LYPD6: variants seen among roughly 807,000 people sequenced by gnomAD.
LYPD6 encodes ly6/PLAUR domain-containing protein 6.
LYPD6 carries 15 observed loss-of-function variants against 22.7 expected under a neutral mutation model. The ratio of observed to expected loss-of-function variants is 0.66; its 90% CI spans 0.44 to 1.02. LYPD6 has a LOEUF of 1.02. LYPD6 is among the 50% of genes least tolerant of loss of function. The pLI, the probability that LYPD6 is intolerant of heterozygous loss-of-function variation, is 0.00. For missense variants in LYPD6, 189 were observed against 208.4 expected (o/e 0.91, Z 0.57); for synonymous variants, 72 against 77.5 (o/e 0.93, Z 0.37).
intron 1 of LYPD6, among the ~76,000 whole-genome samples, chr2:149,409,492 A>AACTC (rs1185469419): frequency 6.6e-6 from 1 of 152,150 alleles, no homozygotes; most frequent in African/African-American, 2.4e-5. Context: ...TCAGGTGGTG[A>AACTC]GCAGGGCCAT....
chr2:149,467,975 G>C (rs1681240209), intron 3 of LYPD6, among the ~76,000 whole-genome samples: 1 of 152,090 alleles, frequency 6.6e-6, no homozygotes, highest in African/African-American at 2.4e-5. Flanking sequence ...GTCCTAGGAA[G>C]ACACTGAAAT....
chr2:149,397,674 A>C (rs1414364039), intron 1 of LYPD6, among the ~76,000 whole-genome samples: 2 of 152,224 alleles, frequency 1.3e-5, no homozygotes, highest in Non-Finnish European at 2.9e-5. Flanking sequence ...TTACCTTCAG[A>C]ATTTGCTTTT....
rs73964448 is a variant in LYPD6, at chr2:149,468,959, A to G, written c.348+184A>G. Among the ~76,000 whole-genome samples the G allele has an allele frequency of 5.1e-3, 781 of 152,358 alleles. 7 individuals are homozygous for G. Among genetic ancestry groups the G allele is most frequent in the African/African-American group, 0.017 (723 of 41,588 alleles). On this transcript the variant is annotated intron_variant, in intron 4 of 4. Transcript: ENST00000334166. ...AAAGAATACACATTTATACCAGAGC[A>G]TAGGACAACTGATATAAATTGTGTA...
At chr2:149,485,893 AC>A in the LYPD6 span, among the ~76,000 whole-genome samples, 2 of 152,160 alleles carry the variant, frequency 1.3e-5, no homozygotes, top group African/African-American at 4.8e-5. Flanking sequence ...TAAAGGAGCC[AC>A]CTAATCCCGC....
upstream of LYPD6, chr2:149,330,503 G>A (rs1680910945): frequency 6.7e-6 from 1 of 149,132 alleles, no homozygotes; most frequent in Non-Finnish European, 1.5e-5. Flanking sequence ...GCCGGCCGCG[G>A]CTGCGGGCGG....
At chr2:149,402,659 T>A (rs1394987013) in intron 1 of LYPD6, among the ~76,000 whole-genome samples, 1 of 152,202 alleles carries the variant, frequency 6.6e-6, no homozygotes, top group Middle Eastern at 3.2e-3. Flanking sequence ...TCCATATACT[T>A]GTTGGCTGTT....
At chr2:149,339,014 C>G (rs559343526) in intron 1 of LYPD6, among the ~76,000 whole-genome samples, 2 of 152,224 alleles carry the variant, frequency 1.3e-5, no homozygotes, top group East Asian at 3.9e-4. Flanking sequence ...AGCCAGTGCC[C>G]AGGACTTTGA....
At chr2:149,477,811 A>G (rs1332082116), downstream of LYPD6, among the ~76,000 whole-genome samples, 1 of 152,084 alleles carries the variant, frequency 6.6e-6, no homozygotes, top group East Asian at 1.9e-4. Context: ...TATTTAATCC[A>G]ATACTTGGAA....
intron 2 of LYPD6, among the ~76,000 whole-genome samples, chr2:149,441,426 T>C (rs771840138): frequency 6.6e-6 from 1 of 152,184 alleles, no homozygotes; most frequent in Non-Finnish European, 1.5e-5. Context: ...CTCATTCCGA[T>C]GCCCAGAACA....
At chr2:149,482,758 A>G in the LYPD6 span, among the ~76,000 whole-genome samples, 2 of 152,172 alleles carry the variant, frequency 1.3e-5, no homozygotes, top group African/African-American at 2.4e-5. Context: ...GTTCTAGGAC[A>G]TTCCCCCTCT....
At chr2:149,405,105 G>A (rs574072656) in intron 1 of LYPD6, among the ~76,000 whole-genome samples, 7 of 152,074 alleles carry the variant, frequency 4.6e-5, no homozygotes, top group South Asian at 2.1e-4. Flanking sequence ...TGGTGGATAA[G>A]CTTTTTGATG....
intron 1 of LYPD6, among the ~76,000 whole-genome samples, chr2:149,353,975 G>T (rs1179044176): frequency 6.6e-6 from 1 of 152,166 alleles, no homozygotes; most frequent in Non-Finnish European, 1.5e-5. Flanking sequence ...AAAACTGAGT[G>T]TGAATTTAGC....
intron 1 of LYPD6, among the ~76,000 whole-genome samples, chr2:149,367,343 G>A (rs73964405): frequency 0.01 from 1,592 of 152,194 alleles, 28 homozygotes; most frequent in African/African-American, 0.035. Context: ...CTGCTTTGGA[G>A]GCCACCTTCA....
At chr2:149,358,533 A>G (rs1681511597) in intron 1 of LYPD6, among the ~76,000 whole-genome samples, 1 of 152,200 alleles carries the variant, frequency 6.6e-6, no homozygotes, top group African/African-American at 2.4e-5. Flanking sequence ...TAGAGCATAA[A>G]GCGGCATGGG....
Position 149,365,886 on chromosome 2 carries a change from T to C in LYPD6, c.-72+35164T>C, listed in dbSNP as rs151236699. On this transcript the variant is annotated intron_variant, in intron 1 of 4. Transcript: ENST00000334166. ...CTTGGGAGTTCAAAAATGCTGTTAA[T>C]GGACACACCAATTTAGATGACTAAC... Among the ~76,000 whole-genome samples the C allele has an allele frequency of 4.5e-4, 69 of 152,340 alleles. 1 individual carries two copies. The East Asian group carries it at 0.012, about 27-fold the overall frequency.
chr2:149,331,228 C>T (rs865795553), intron 1 of LYPD6, among the ~76,000 whole-genome samples: 2 of 152,168 alleles, frequency 1.3e-5, no homozygotes, highest in Non-Finnish European at 2.9e-5. Context: ...CTCCCCGCCG[C>T]TGCAAGACCA....
chr2:149,341,764 A>G (rs535056763), intron 1 of LYPD6, among the ~76,000 whole-genome samples: 1 of 152,294 alleles, frequency 6.6e-6, no homozygotes, highest in African/African-American at 2.4e-5. Flanking sequence ...TCACACAGGG[A>G]AAGACAGAAG....
chr2:149,480,461 C>T, the LYPD6 span, among the ~76,000 whole-genome samples: 6 of 152,146 alleles, frequency 3.9e-5, no homozygotes, highest in Admixed American at 3.3e-4. Context: ...ATCACTTCCT[C>T]AAGAACATCT....
chr2:149,413,798 A>C (rs534037720), intron 1 of LYPD6, among the ~76,000 whole-genome samples: 1 of 152,226 alleles, frequency 6.6e-6, no homozygotes, highest in East Asian at 1.9e-4. Context: ...TTGATTTGCT[A>C]TGTGACTGTG....
Sources: allele counts gnomAD v4.1 joint callset (sites outside exome capture counted in the v4.1 genomes callset), GRCh38; gene constraint gnomAD v4.1.1; transcripts MANE v1.5; gene names NCBI Gene and HGNC (gene_info 2026-07-23, HGNC 2026-07-21).